ZMAT4: variants seen among roughly 807,000 people sequenced by gnomAD.
The protein encoded by ZMAT4 is zinc finger matrin-type protein 4.
In ZMAT4, 17 loss-of-function variants were observed where a neutral mutation model predicts 28.7. The ratio of observed to expected loss-of-function variants is 0.59; its 90% confidence interval spans 0.41 to 0.89. The LOEUF (loss-of-function observed/expected upper bound fraction) is 0.89. Among genes scored for constraint, ZMAT4 ranks in the 40% least tolerant of loss-of-function variants. The pLI, the probability that ZMAT4 is intolerant of heterozygous loss-of-function variation, is 0.00. For synonymous variants in ZMAT4, 117 were observed against 109.2 expected (o/e 1.07, Z -0.44); for missense variants, 240 against 283.8 (o/e 0.85, Z 1.11).
At chr8:40,850,694 T>A (rs1817071793) in intron 1 of ZMAT4, among the ~76,000 whole-genome samples, 1 of 152,182 alleles carries the variant, frequency 6.6e-6, no homozygotes, top group Non-Finnish European at 1.5e-5. Flanking sequence ...CTCACACTCG[T>A]GCATTTACAG....
intron 2 of ZMAT4, among the ~76,000 whole-genome samples, chr8:40,818,231 A>G (rs1255028570): frequency 6.6e-6 from 1 of 152,256 alleles, no homozygotes; most frequent in Non-Finnish European, 1.5e-5. Flanking sequence ...ATAAAAGGTA[A>G]GATGCCCATG....
intron 5 of ZMAT4, among the ~76,000 whole-genome samples, chr8:40,629,577 C>T (rs898387119): frequency 5.0e-5 from 7 of 138,978 alleles, no homozygotes; most frequent in African/African-American, 1.9e-4. Context: ...CCACAACAGG[C>T]CCCGGTGTGT....
chr8:40,589,145 C>A (rs540935816), intron 5 of ZMAT4, among the ~76,000 whole-genome samples: 1 of 152,174 alleles, frequency 6.6e-6, no homozygotes, highest in Admixed American at 6.5e-5. Flanking sequence ...CATATATAAG[C>A]ACTGATGTGC....
chr8:40,568,584 G>A (rs12545907), intron 6 of ZMAT4, among the ~76,000 whole-genome samples: 28,074 of 152,042 alleles, frequency 0.18, 3,782 homozygotes, highest in East Asian at 0.71. Flanking sequence ...TCATCTACCC[G>A]TTCCTCGGGG....
intron 5 of ZMAT4, among the ~76,000 whole-genome samples, chr8:40,593,931 A>G (rs577682218): frequency 6.6e-6 from 1 of 152,316 alleles, no homozygotes; most frequent in African/African-American, 2.4e-5. Flanking sequence ...CCAGACTGCC[A>G]AATGTTGGGT....
At chr8:40,873,849 C>T (rs1196882340) in intron 1 of ZMAT4, among the ~76,000 whole-genome samples, 1 of 152,196 alleles carries the variant, frequency 6.6e-6, no homozygotes, top group African/African-American at 2.4e-5. Context: ...AAATTCCATT[C>T]AGACAACCTG....
chr8:40,682,703 T>C lies in ZMAT4; in HGVS notation c.350-7772A>G, dbSNP rs77600319. On this transcript the variant is annotated intron_variant, in intron 4 of 6. Transcript: ENST00000297737. ...GTCCAATTCAATTATGCATCAACCT[T>C]CTAAGTATAATCAGCCTATTAACAG... Among the ~76,000 whole-genome samples, 1,355 of 152,306 alleles carry C rather than the reference T, an allele frequency of 8.9e-3. 13 individuals are homozygous for C. Among genetic ancestry groups the C allele is most frequent in the Non-Finnish European group, 0.013 (914 of 68,020 alleles).
intron 1 of ZMAT4, among the ~76,000 whole-genome samples, chr8:40,859,109 G>A (rs762261605): frequency 6.6e-6 from 1 of 152,128 alleles, no homozygotes; most frequent in Non-Finnish European, 1.5e-5. Flanking sequence ...CTGCCTTTCC[G>A]GTCCTGACCT....
intron 2 of ZMAT4, among the ~76,000 whole-genome samples, chr8:40,799,207 G>GGGGA (rs1814728368): frequency 1.4e-5 from 1 of 72,546 alleles, no homozygotes; most frequent in South Asian, 4.8e-4. Flanking sequence ...GGATAGATGG[G>GGGGA]TGGATGGATG....
chr8:40,862,607 T>G (rs1468721516), intron 1 of ZMAT4, among the ~76,000 whole-genome samples: 29 of 135,180 alleles, frequency 2.1e-4, no homozygotes, highest in African/African-American at 3.5e-4. Context: ...AAAAGAAAAT[T>G]TGGCACATAT....
At chr8:40,796,853 A>C (rs1323724373) in intron 2 of ZMAT4, among the ~76,000 whole-genome samples, 1 of 152,160 alleles carries the variant, frequency 6.6e-6, no homozygotes, top group African/African-American at 2.4e-5. Context: ...CCAGAACAGA[A>C]AGCCACCTGC....
chr8:40,752,506 G>C (rs968126938), intron 3 of ZMAT4, among the ~76,000 whole-genome samples: 1 of 152,136 alleles, frequency 6.6e-6, no homozygotes, highest in African/African-American at 2.4e-5. Flanking sequence ...CTGGAGAAAG[G>C]GTTTTTCCTC....
At chr8:40,887,666 G>T (rs992027279) in intron 1 of ZMAT4, among the ~76,000 whole-genome samples, 1 of 151,994 alleles carries the variant, frequency 6.6e-6, no homozygotes, top group Admixed American at 6.6e-5. Flanking sequence ...CTGCAACCCC[G>T]CAGAGCAATT....
intron 1 of ZMAT4, among the ~76,000 whole-genome samples, chr8:40,830,037 C>A (rs534895725): frequency 6.6e-6 from 1 of 152,174 alleles, no homozygotes; most frequent in South Asian, 2.1e-4. Flanking sequence ...TTTCTTAAGG[C>A]GCAAGAAATG....
At chr8:40,563,646 A>C (rs916110707) in intron 6 of ZMAT4, among the ~76,000 whole-genome samples, 3 of 152,200 alleles carry the variant, frequency 2.0e-5, no homozygotes, top group African/African-American at 7.2e-5. Context: ...TAGACTTTAA[A>C]ATTTGAATTA....
Position 40,531,636 on chromosome 8 carries a change from T to G in ZMAT4, c.*587A>C, listed in dbSNP as rs1224721240. On this transcript the variant is annotated 3_prime_UTR_variant, in exon 7 of 7. Coordinates refer to ENST00000297737, the MANE Select transcript of ZMAT4 (RefSeq NM_024645.3). ...AGGAAAAAAGATGAGAATTCTTCCT[T>G]TATTTACTCCCTTCGTCTTCATTGT... 1 of 152,644 alleles carries G rather than the reference T, an allele frequency of 6.6e-6. No individual in the cohort carries two copies. Among genetic ancestry groups the G allele is most frequent in the Admixed American group, 6.5e-5 (1 of 15,276 alleles). The allele number at this position is 152,644 out of a possible 1,614,324, so 9.5% of individuals were successfully genotyped here. A position where few individuals can be genotyped will look rare whatever the true frequency, so the allele number is the denominator to read the frequency against.
chr8:40,620,743 G>T (rs77251104), intron 5 of ZMAT4, among the ~76,000 whole-genome samples: 1,890 of 152,238 alleles, frequency 0.012, 41 homozygotes, highest in African/African-American at 0.043. Flanking sequence ...GGCCCTGGTA[G>T]GTTGTAATTC....
intron 6 of ZMAT4, among the ~76,000 whole-genome samples, chr8:40,543,664 A>G (rs1009665929): frequency 2.0e-5 from 3 of 152,228 alleles, no homozygotes; most frequent in Non-Finnish European, 4.4e-5. Flanking sequence ...CACTGGCCGT[A>G]TAGGCCTTTG....
At chr8:40,853,235 T>G (rs527520355) in intron 1 of ZMAT4, among the ~76,000 whole-genome samples, 1 of 152,316 alleles carries the variant, frequency 6.6e-6, no homozygotes, top group African/African-American at 2.4e-5. Flanking sequence ...TAAAAAGATG[T>G]GTTTTCAAGG....
Sources: allele counts gnomAD v4.1 joint callset (sites outside exome capture counted in the v4.1 genomes callset), GRCh38; gene constraint gnomAD v4.1.1; transcripts MANE v1.5; gene names NCBI Gene and HGNC (gene_info 2026-07-23, HGNC 2026-07-21).